The following PAX8 variants were observed in gnomAD, a reference collection of about 807,000 sequenced individuals.
PAX8 encodes paired box protein Pax-8.
Under a neutral mutation model 52.4 loss-of-function variants are expected in PAX8, and 15 were observed. That is an observed-to-expected ratio of 0.29 (90% CI 0.19 to 0.44). The LOEUF (loss-of-function observed/expected upper bound fraction) is 0.44, where lower values mean the gene tolerates loss of function less well. Ranked by LOEUF, PAX8 falls within the 20% of genes least tolerant of loss-of-function variation. The probability of loss-of-function intolerance (pLI) is 1.00; values close to 1 mark genes in which losing one functional copy is unlikely to be tolerated. For synonymous variants in PAX8, 284 were observed against 249.7 expected, an observed-to-expected ratio of 1.14 and a Z score of -1.29; for missense variants, 554 against 602.5, an observed-to-expected ratio of 0.92 and a Z score of 0.84.
At chr2:113,246,100 T>C (rs1691299805) in intron 3 of PAX8, among the ~76,000 whole-genome samples, 1 of 152,242 alleles carries the variant, frequency 6.6e-6, no homozygotes. Context: ...TTTGGGTCAG[T>C]GGTTCTCAAC....
In PAX8 at chr2:113,217,187, G is replaced by A. The variant is rs552518450; in HGVS notation, c.*1346C>T. 9.6e-5 allele frequency: 22 copies of A among 228,768 alleles called. No homozygotes were observed. The highest frequency in any genetic ancestry group is 1.7e-4 in the Non-Finnish European group (20 of 115,132). The allele number at this position is 228,768 out of a possible 1,614,324, so 14.2% of individuals were successfully genotyped here. ...ACTTGGGATGAGTGAGGTACCCAGC[G>A]TTCAACGTGAATTAAAGGCAGAGGG... On this transcript the variant is annotated 3_prime_UTR_variant, in exon 12 of 12. Transcript: ENST00000429538.
chr2:113,257,405 T>A (rs1232805957), intron 2 of PAX8, among the ~76,000 whole-genome samples: 1 of 152,180 alleles, frequency 6.6e-6, no homozygotes, highest in Non-Finnish European at 1.5e-5. Context: ...TGTGAGGCCA[T>A]GAGGACCAAC....
At chr2:113,251,559 T>C (rs1691766880) in intron 2 of PAX8, among the ~76,000 whole-genome samples, 2 of 152,156 alleles carry the variant, frequency 1.3e-5, no homozygotes, top group Non-Finnish European at 2.9e-5. Context: ...CAAGCTTTCC[T>C]GGGGTCAGAG....
chr2:113,245,744 A>G (rs1691267275), intron 3 of PAX8, among the ~76,000 whole-genome samples: 1 of 152,164 alleles, frequency 6.6e-6, no homozygotes. Context: ...AACTCCATTC[A>G]TCTGTTACTT....
chr2:113,236,690 G>A lies in PAX8; in HGVS notation c.809C>T (p.Thr270Ile). 2 of 1,584,078 alleles carry A rather than the reference G, an allele frequency of 1.3e-6. No individual in the cohort carries two copies. The highest frequency in any genetic ancestry group is 1.7e-6 in the Non-Finnish European group (2 of 1,165,522). The change falls in exon 8 of 12, where the codon ACC becomes ATC. Residue 270 changes from threonine to isoleucine, a missense_variant. By Grantham distance (89) the Thr-to-Ile change is moderately conservative (BLOSUM62 -1). Transcript: ENST00000429538. ...CAGGGTGGCCTTCCCGTCGTCCAGGGTGCTGTTGAGCAAGGGCAGCGGGTA... is the reference window on the plus strand; with the variant it reads ...CAGGGTGGCCTTCCCGTCGTCCAGGATGCTGTTGAGCAAGGGCAGCGGGTA... The part of the protein sequence containing the change: ...GLYPLPLLNS[T>I]LDDGKATLTP...
At chr2:113,244,370 G>C (rs1691136519) in intron 4 of PAX8, 57 bp downstream of exon 4, 1 of 1,354,176 alleles carries the variant, frequency 7.4e-7, no homozygotes, top group Non-Finnish European at 1.1e-6. Context: ...TCTCTTTCCT[G>C]ATTTCCCCAA....
intron 9 of PAX8, among the ~76,000 whole-genome samples, chr2:113,228,205 C>T (rs1234845290): frequency 1.3e-5 from 2 of 152,204 alleles, no homozygotes; most frequent in East Asian, 3.8e-4. Context: ...CCCTGCCCCT[C>T]TTCTATTGCT....
At chr2:113,266,863 C>T (rs1168615118) in intron 2 of PAX8, 1 of 152,202 alleles carries the variant, frequency 6.6e-6, no homozygotes, top group Non-Finnish European at 1.5e-5. Context: ...TTGACAAGCA[C>T]CTCTGCCCAC....
chr2:113,277,346 C>G (rs1204972932), intron 2 of PAX8, among the ~76,000 whole-genome samples: 2 of 152,262 alleles, frequency 1.3e-5, no homozygotes, highest in Non-Finnish European at 2.9e-5. Context: ...CCCCGCAGTG[C>G]GCTTGGCTAA....
At chr2:113,244,728 G>A (rs1210679217) in intron 3 of PAX8, 104 bp from the exon 4 acceptor site, 1 of 1,039,416 alleles carries the variant, frequency 9.6e-7, no homozygotes, top group Non-Finnish European at 1.5e-6. Context: ...CTGGGTAGGG[G>A]TATGAGAGTG....
chr2:113,241,923 A>G, intron 6 of PAX8, 85 bp downstream of exon 6: 5 of 1,541,920 alleles, frequency 3.2e-6, no homozygotes, highest in Non-Finnish European at 3.6e-6. Context: ...GTCCCATATC[A>G]TAAGTGGAAG....
At chr2:113,248,412 G>T (rs1027340679) in intron 2 of PAX8, among the ~76,000 whole-genome samples, 1 of 152,214 alleles carries the variant, frequency 6.6e-6, no homozygotes, top group Non-Finnish European at 1.5e-5. Flanking sequence ...CCAAGGGCAG[G>T]ATTTGGTGAT....
intron 2 of PAX8, chr2:113,274,253 T>G (rs1693657675): frequency 6.6e-6 from 1 of 152,186 alleles, no homozygotes. Flanking sequence ...AGATAAAGAC[T>G]TTGACAGCCA....
intron 2 of PAX8, chr2:113,263,415 C>G (rs371960550): frequency 6.5e-6 from 1 of 152,914 alleles, no homozygotes; most frequent in Admixed American, 6.5e-5. Context: ...TGGTTATAAA[C>G]TCACCTGACA....
At chr2:113,229,453 G>GT (rs1558691437) in intron 9 of PAX8, among the ~76,000 whole-genome samples, 2 of 152,292 alleles carry the variant, frequency 1.3e-5, no homozygotes, top group South Asian at 4.1e-4. Context: ...AGTGTTCATT[G>GT]TTTAAAACCG....
rs1426728011 is a variant in PAX8 at position 113,246,922 on chromosome 2, A to G, written c.26-3T>C. On this transcript the variant is annotated splice_polypyrimidine_tract_variant and splice_region_variant and intron_variant, in intron 2 of 11. Coordinates refer to ENST00000429538, the MANE Select transcript of PAX8 (RefSeq NM_003466.4). ...CAGCTGGTTCAGCCCTCCATGGCCT[A>G]AGGAGACAATATTCCCAGGGACAGC... 1.9e-6 allele frequency: 3 copies of G among 1,612,806 alleles called. No homozygotes were observed. The highest frequency in any genetic ancestry group is 2.2e-5 in the East Asian group (1 of 44,836).
chr2:113,240,359 G>T (rs191913017), intron 7 of PAX8: 1 of 152,242 alleles, frequency 6.6e-6, no homozygotes, highest in African/African-American at 2.4e-5. Context: ...CAGCCCAGAC[G>T]GTCACTGGAA....
rs745519560 is a variant in PAX8, at chr2:113,216,409, T to C, written c.*2124A>G. The C allele has an allele frequency of 1.7e-4, 40 of 231,400 alleles. No homozygotes were observed. Among genetic ancestry groups the C allele is most frequent in the Non-Finnish European group, 3.2e-4 (37 of 116,968 alleles). The allele number at this position is 231,400 out of a possible 1,614,324, so 14.3% of individuals were successfully genotyped here. ...CTCTGTCCTCCCAGCCCTGGAGTCC[T>C]TGGGCCCCTTCTATCTGACTCAATC... On this transcript the variant is annotated 3_prime_UTR_variant, in exon 12 of 12. Transcript: ENST00000429538.
At position 113,272,526 on chromosome 2, in the gene PAX8, C is replaced by T. The variant is rs1459535021; in HGVS notation, c.25+5844G>A. The T allele has an allele frequency of 2.6e-5, 4 of 152,314 alleles. No individual in the cohort carries two copies. The East Asian group carries it at 5.8e-4, about 22-fold the overall frequency. The allele number at this position is 152,314 out of a possible 1,614,324, so 9.4% of individuals were successfully genotyped here. ...AGACGAGTGGATGCTTCTTCCTACT[C>T]CACCTCACTGCAGAGATTCCATCCA... On this transcript the variant is annotated intron_variant, in intron 2 of 11. Transcript: ENST00000429538.
Sources: allele counts gnomAD v4.1 joint callset (sites outside exome capture counted in the v4.1 genomes callset), GRCh38; gene constraint gnomAD v4.1.1; transcripts MANE v1.5; gene names NCBI Gene and HGNC (gene_info 2026-07-23, HGNC 2026-07-21).